Variants in CDH12 observed in about 807,000 individuals in gnomAD.
CDH12 encodes the protein cadherin-12.
A neutral mutation model predicts 74.1 loss-of-function variants in CDH12; 41 were observed. The ratio of observed to expected loss-of-function variants is 0.55; its 90% CI spans 0.43 to 0.72. The LOEUF (loss-of-function observed/expected upper bound fraction) is 0.72, where lower values mean the gene tolerates loss of function less well. Ranked by LOEUF, CDH12 falls within the 30% of genes least tolerant of loss-of-function variation. The pLI, the probability that CDH12 is intolerant of heterozygous loss-of-function variation, is 0.00. For missense variants in CDH12, 945 were observed against 977.2 expected, an observed-to-expected ratio of 0.97 and a Z score of 0.44; for synonymous variants, 399 against 355.0, an observed-to-expected ratio of 1.12 and a Z score of -1.39.
intron 4 of CDH12, among the ~76,000 whole-genome samples, chr5:22,118,335 A>G (rs1483748422): frequency 6.6e-6 from 1 of 152,080 alleles, no homozygotes. Context: ...ATTTTAATAC[A>G]TCACTCAGTG....
At chr5:22,146,564 T>C (rs1747198055) in intron 4 of CDH12, among the ~76,000 whole-genome samples, 1 of 152,150 alleles carries the variant, frequency 6.6e-6, no homozygotes, top group Non-Finnish European at 1.5e-5. Context: ...CATTTTCTCA[T>C]AACTGTAGAC....
At chr5:21,799,865 A>T (rs939984675) in intron 10 of CDH12, among the ~76,000 whole-genome samples, 1 of 152,116 alleles carries the variant, frequency 6.6e-6, no homozygotes, top group African/African-American at 2.4e-5. Context: ...ATGAGTGAGG[A>T]CACTGCAGAG....
chr5:21,839,324 T>A (rs1243032137), intron 8 of CDH12, among the ~76,000 whole-genome samples: 1 of 152,206 alleles, frequency 6.6e-6, no homozygotes, highest in Non-Finnish European at 1.5e-5. Flanking sequence ...TATTATATAG[T>A]AGCCATTTGT....
chr5:22,366,617 G>A (rs978939594), intron 3 of CDH12, among the ~76,000 whole-genome samples: 1 of 152,012 alleles, frequency 6.6e-6, no homozygotes, highest in African/African-American at 2.4e-5. Flanking sequence ...TCTGACTTTT[G>A]TTCATACTTT....
rs1028069670 is a variant in CDH12 at position 21,981,137 on chromosome 5, G to T, written c.232-5752C>A. On this transcript the variant is annotated intron_variant, in intron 5 of 14. Coordinates refer to ENST00000382254, the MANE Select transcript of CDH12 (RefSeq NM_004061.5). Reference sequence around the variant, plus strand: ...TTAATTATAAATTCGAATAATATTTGTTGACTTCCAAACTGCATACCCCTT... The same window carrying T: ...TTAATTATAAATTCGAATAATATTTTTTGACTTCCAAACTGCATACCCCTT... 4.2e-4 allele frequency among the ~76,000 whole-genome samples: 64 copies of T among 152,126 alleles called. 1 individual carries two copies. The highest frequency in any genetic ancestry group is 1.9e-4 in the East Asian group (1 of 5,172).
intron 4 of CDH12, chr5:22,139,232 T>C (rs1746646858): frequency 6.7e-6 from 1 of 149,822 alleles, no homozygotes. Context: ...AGCACATACA[T>C]TGTCGGCTAA....
chr5:22,599,481 A>G (rs1468462128), intron 1 of CDH12, among the ~76,000 whole-genome samples: 2 of 152,192 alleles, frequency 1.3e-5, no homozygotes, highest in African/African-American at 4.8e-5. Flanking sequence ...AAATCATAGT[A>G]AAAATATATC....
chr5:21,848,441 C>G (rs1375864746), intron 7 of CDH12, among the ~76,000 whole-genome samples: 1 of 151,928 alleles, frequency 6.6e-6, no homozygotes, highest in South Asian at 2.1e-4. Context: ...AATTCCATAG[C>G]TCAGTTACAT....
At chr5:22,467,180 C>G (rs1745770384) in intron 2 of CDH12, among the ~76,000 whole-genome samples, 1 of 152,140 alleles carries the variant, frequency 6.6e-6, no homozygotes, top group Non-Finnish European at 1.5e-5. Context: ...AAGCCTCATA[C>G]TGGCATGAGA....
intron 5 of CDH12, among the ~76,000 whole-genome samples, chr5:22,060,778 C>CT (rs1221976639): frequency 6.6e-6 from 1 of 151,972 alleles, no homozygotes; most frequent in Non-Finnish European, 1.5e-5. Context: ...AAGACTGTAT[C>CT]TTTTTCCAAA....
intron 14 of CDH12, among the ~76,000 whole-genome samples, chr5:21,753,773 T>C (rs1275412107): frequency 6.6e-6 from 1 of 152,166 alleles, no homozygotes; most frequent in African/African-American, 2.4e-5. Context: ...TTTGGATAAA[T>C]GAGTGGCAGA....
intron 4 of CDH12, among the ~76,000 whole-genome samples, chr5:22,105,199 C>T (rs1446148915): frequency 6.6e-6 from 1 of 151,980 alleles, no homozygotes; most frequent in African/African-American, 2.4e-5. Context: ...TCAAGTGATT[C>T]TCCTGCCTCA....
At chr5:22,457,328 AGTTG>A (rs1341947923) in intron 2 of CDH12, among the ~76,000 whole-genome samples, 10 of 152,042 alleles carry the variant, frequency 6.6e-5, no homozygotes, top group African/African-American at 2.4e-4. Flanking sequence ...CTCCCTCTGA[AGTTG>A]GTTGGAGAGA....
intron 10 of CDH12, among the ~76,000 whole-genome samples, chr5:21,792,674 C>A (rs1489020387): frequency 7.0e-6 from 1 of 143,040 alleles, no homozygotes; most frequent in Non-Finnish European, 1.5e-5. Context: ...TCAAAACTCT[C>A]TTCTCCTCTG....
intron 4 of CDH12, among the ~76,000 whole-genome samples, chr5:22,120,556 C>T (rs1311557564): frequency 1.3e-5 from 2 of 151,948 alleles, no homozygotes; most frequent in Non-Finnish European, 2.9e-5. Context: ...TTATTTTTGA[C>T]ATAATGAATA....
At chr5:22,339,032 C>A (rs1328434196) in intron 3 of CDH12, among the ~76,000 whole-genome samples, 1 of 152,158 alleles carries the variant, frequency 6.6e-6, no homozygotes, top group African/African-American at 2.4e-5. Flanking sequence ...CTATAAAGAA[C>A]AAAGTCCAGT....
At position 22,445,989 on chromosome 5, in the gene CDH12, C is replaced by T. The variant is rs556307991; in HGVS notation, c.-427-40638G>A. Among the ~76,000 whole-genome samples the T allele has an allele frequency of 2.0e-5, 3 of 152,246 alleles. No individual in the cohort carries two copies. In the East Asian group the frequency reaches 5.8e-4, roughly 29 times the overall value. On this transcript the variant is annotated intron_variant, in intron 2 of 14. Transcript: ENST00000382254. ...TTTCCACTGATGTCTCTTCGCCTCCCTCAAATGATCCATCTGTATCTCAAG... is the reference window on the plus strand; with the variant it reads ...TTTCCACTGATGTCTCTTCGCCTCCTTCAAATGATCCATCTGTATCTCAAG...
At chr5:22,007,807 G>C (rs1416194401) in intron 5 of CDH12, among the ~76,000 whole-genome samples, 6 of 152,120 alleles carry the variant, frequency 3.9e-5, no homozygotes, top group Admixed American at 3.3e-4. Flanking sequence ...GCTATATAAT[G>C]TTTTGGCTGA....
chr5:21,882,927 A>C (rs1752434745), intron 6 of CDH12: 15 of 1,603,824 alleles, frequency 9.4e-6, no homozygotes, highest in Non-Finnish European at 3.4e-6. Flanking sequence ...TGGGGATGGC[A>C]CTACCACTGC....
Sources: allele counts gnomAD v4.1 joint callset (sites outside exome capture counted in the v4.1 genomes callset), GRCh38; gene constraint gnomAD v4.1.1; transcripts MANE v1.5; gene names NCBI Gene and HGNC (gene_info 2026-07-23, HGNC 2026-07-21).